APAF1: variants seen among roughly 807,000 people sequenced by gnomAD.
The protein encoded by APAF1 is apoptotic peptidase activating factor 1.
Under a neutral mutation model 152.4 loss-of-function variants are expected in APAF1, and 91 were observed. The ratio of observed to expected loss-of-function variants is 0.60; its 90% CI spans 0.50 to 0.71. The LOEUF is 0.71. APAF1 is among the 30% of genes least tolerant of loss of function. The pLI, the probability that APAF1 is intolerant of heterozygous loss-of-function variation, is 0.00. For missense variants in APAF1, 1,283 were observed against 1,472.0 expected (o/e 0.87, Z 2.10); for synonymous variants, 484 against 494.1 (o/e 0.98, Z 0.27).
At chr12:98,667,843 C>G (rs2097675282) in intron 10 of APAF1, among the ~76,000 whole-genome samples, 199 bp downstream of exon 10, 1 of 137,356 alleles carries the variant, frequency 7.3e-6, no homozygotes, top group Non-Finnish European at 1.5e-5. Context: ...ACAATCTCAG[C>G]TCATTACACC....
chr12:98,658,859 CTG>C (rs2097661092), intron 4 of APAF1, among the ~76,000 whole-genome samples: 2 of 152,330 alleles, frequency 1.3e-5, no homozygotes, highest in African/African-American at 4.8e-5. Context: ...GGTTTAGAAA[CTG>C]TGCTGTGCAG....
intron 18 of APAF1, among the ~76,000 whole-genome samples, chr12:98,705,904 A>G (rs1178043895): frequency 1.3e-5 from 2 of 152,216 alleles, no homozygotes; most frequent in Non-Finnish European, 2.9e-5. Flanking sequence ...TCAAAGTTTT[A>G]TAATGCGTTA....
chr12:98,656,314 A>G (rs531311315), intron 4 of APAF1, among the ~76,000 whole-genome samples: 7 of 152,364 alleles, frequency 4.6e-5, no homozygotes, highest in East Asian at 1.9e-4. Context: ...ATACACATAC[A>G]GAACACAGCT....
At chr12:98,718,220 TTTC>T (rs1160011464) in intron 22 of APAF1, among the ~76,000 whole-genome samples, 2 of 152,062 alleles carry the variant, frequency 1.3e-5, no homozygotes, top group African/African-American at 4.8e-5. Context: ...CAGCAATTCT[TTTC>T]TTTTCTTTTT....
At chr12:98,724,480 T>C (rs1178752942) in intron 24 of APAF1, among the ~76,000 whole-genome samples, 26 of 152,224 alleles carry the variant, frequency 1.7e-4, no homozygotes, top group Admixed American at 1.7e-3. Flanking sequence ...TCTGCTATAT[T>C]GTTTCCTCTG....
At position 98,683,181 on chromosome 12, in the gene APAF1, T is replaced by C. The variant is rs749168519; in HGVS notation, c.2085T>C (p.Tyr695=). Residue 695 remains tyrosine (Y), a synonymous_variant, in exon 15 of 27, where the codon TAT becomes TAC. Coordinates refer to ENST00000551964, the MANE Select transcript of APAF1 (RefSeq NM_181861.2). ...NSMTGELVHT[Y]DEHSEQVNCC... ...TGACTGGGGAACTAGTACACACCTA[T>C]GATGAGCACTCAGAGCAAGTCAATT... 6.2e-6 allele frequency: 10 copies of C among 1,613,238 alleles called. No individual in the cohort carries two copies. Among genetic ancestry groups the C allele is most frequent in the Non-Finnish European group, 2.5e-6 (3 of 1,179,252 alleles).
At position 98,671,779 on chromosome 12, in the gene APAF1, A is replaced by G. The variant is rs905649515; in HGVS notation, c.1793+60A>G. On this transcript the variant is annotated intron_variant, in intron 12 of 26. Transcript: ENST00000551964. ...TGCGCTAACTATATCATTATTTTTC[A>G]GGTGGTGAATACGATCACTCCAGGA... 7 of 1,521,432 alleles carry G rather than the reference A, an allele frequency of 4.6e-6. No homozygotes were observed. The Admixed American group carries it at 8.4e-5, about 18-fold the overall frequency. The allele number at this position is 1,521,432 out of a possible 1,614,324, so 94.2% of individuals were successfully genotyped here.
intron 4 of APAF1, among the ~76,000 whole-genome samples, chr12:98,654,811 AT>A (rs2097654293): frequency 1.1e-5 from 1 of 94,542 alleles, no homozygotes; most frequent in Non-Finnish European, 2.2e-5. Context: ...TTAAAGTAGT[AT>A]TTTCTTTTTT....
chr12:98,647,993 G>A (rs2097644013), intron 1 of APAF1, among the ~76,000 whole-genome samples: 1 of 152,038 alleles, frequency 6.6e-6, no homozygotes, highest in Non-Finnish European at 1.5e-5. Flanking sequence ...TCTCCTTGTG[G>A]ATATTTTTAC....
rs536109059 is a variant in APAF1 at position 98,717,290 on chromosome 12, A to G, written c.3084+1738A>G. ...TCTTATTTTGTAGATAGAATATTTT[A>G]TCTCTCTGAGGAGATATACACACAG... is the stretch of plus-strand genomic sequence containing the variant. On this transcript the variant is annotated intron_variant, in intron 22 of 26. Coordinates refer to ENST00000551964, the MANE Select transcript of APAF1 (RefSeq NM_181861.2). Among the ~76,000 whole-genome samples, 267 of 151,928 alleles carry G rather than the reference A, an allele frequency of 1.8e-3. 1 individual carries two copies. Among genetic ancestry groups the G allele is most frequent in the African/African-American group, 6.1e-3 (253 of 41,468 alleles).
chr12:98,659,687 G>A (rs1364407362), intron 5 of APAF1, among the ~76,000 whole-genome samples: 2 of 149,906 alleles, frequency 1.3e-5, no homozygotes, highest in Non-Finnish European at 3.0e-5. Flanking sequence ...GGGAGGCAGA[G>A]GTTGCAGTGA....
chr12:98,679,623 A>G (rs2097690248), intron 13 of APAF1, among the ~76,000 whole-genome samples: 1 of 152,206 alleles, frequency 6.6e-6, no homozygotes, highest in Non-Finnish European at 1.5e-5. Context: ...CGGGGAGCCC[A>G]GACTTGGGAG....
At chr12:98,693,446 A>G (rs571665161) in intron 16 of APAF1, among the ~76,000 whole-genome samples, 4 of 152,122 alleles carry the variant, frequency 2.6e-5, no homozygotes, top group Non-Finnish European at 4.4e-5. Context: ...GGTTTACATC[A>G]TTGTAACTAA....
chr12:98,707,428 G>A (rs997590611), intron 19 of APAF1, among the ~76,000 whole-genome samples: 1 of 152,096 alleles, frequency 6.6e-6, no homozygotes. Context: ...TGGGGAGAAT[G>A]CCTGTCTCTC....
rs138594575 is a variant in APAF1, at chr12:98,665,275, TATA to T, written c.956-277_956-275del. On this transcript the variant is annotated intron_variant, in intron 7 of 26. Transcript: ENST00000551964. ...TGGCGCATATATATATATATATATA[TATA>T]TTTTTTTTTTTTTTTGTAATGACAT... Among the ~76,000 whole-genome samples the T allele has an allele frequency of 4.7e-3, 432 of 92,232 alleles. 4 individuals are homozygous for T. The highest frequency in any genetic ancestry group is 8.8e-3 in the African/African-American group (203 of 22,994). The allele number at this position is 92,232 out of a possible 152,430, so 60.5% of individuals were successfully genotyped here.
intron 13 of APAF1, among the ~76,000 whole-genome samples, chr12:98,679,347 A>G (rs1435133042): frequency 6.6e-6 from 1 of 152,004 alleles, no homozygotes; most frequent in Non-Finnish European, 1.5e-5. Flanking sequence ...GGACTTGCCT[A>G]GCAGAGAGGA....
intron 26 of APAF1, among the ~76,000 whole-genome samples, chr12:98,730,977 G>A (rs756270373): frequency 3.9e-5 from 6 of 152,222 alleles, no homozygotes; most frequent in Non-Finnish European, 7.3e-5. Flanking sequence ...TGAAGGGAAA[G>A]CTGATCTGAA....
At position 98,725,481 on chromosome 12, in the gene APAF1, T is replaced by C; in HGVS notation, c.3397T>C (p.Ser1133Pro). 6.2e-7 allele frequency: 1 copy of C among 1,614,188 alleles called. No individual in the cohort carries two copies. Among genetic ancestry groups the C allele is most frequent in the East Asian group, 2.2e-5 (1 of 44,892 alleles). Residue 1133 changes from serine to proline, a missense_variant, in exon 25 of 27, where the codon TCT becomes CCT. Ser to Pro is a moderately conservative substitution (Grantham distance 74, BLOSUM62 -1). Coordinates refer to ENST00000551964, the MANE Select transcript of APAF1 (RefSeq NM_181861.2). ...GGGCCACAACGGCTGTGTGCGCTGC[T>C]CTGCCTTCTCTGTGGACAGTACCCT... ...LRGHNGCVRC[S>P]AFSVDSTLLA...
intron 4 of APAF1, among the ~76,000 whole-genome samples, chr12:98,655,723 C>T (rs2097656462): frequency 6.6e-6 from 1 of 152,100 alleles, no homozygotes; most frequent in Non-Finnish European, 1.5e-5. Context: ...AGGTCATCCT[C>T]CCACCTCAGC....
Sources: allele counts gnomAD v4.1 joint callset (sites outside exome capture counted in the v4.1 genomes callset), GRCh38; gene constraint gnomAD v4.1.1; transcripts MANE v1.5; gene names NCBI Gene and HGNC (gene_info 2026-07-23, HGNC 2026-07-21).